Variants in THRB observed in about 807,000 individuals in gnomAD.
The protein encoded by THRB is thyroid hormone receptor beta.
In THRB, 12 loss-of-function variants were observed where a neutral mutation model predicts 47.8. The observed-to-expected ratio is 0.25, with a 90% CI of 0.16 to 0.41. THRB has a LOEUF of 0.41. Among genes scored for constraint, THRB ranks in the 10% least tolerant of loss-of-function variants. The probability of loss-of-function intolerance (pLI) is 1.00; values close to 1 mark genes in which losing one functional copy is unlikely to be tolerated. For missense variants in THRB, 348 were observed against 589.2 expected, an observed-to-expected ratio of 0.59 and a Z score of 4.24; for synonymous variants, 218 against 212.2, an observed-to-expected ratio of 1.03 and a Z score of -0.24.
chr3:24,235,992 C>T (rs570202143), intron 3 of THRB, among the ~76,000 whole-genome samples: 2 of 152,248 alleles, frequency 1.3e-5, no homozygotes, highest in Admixed American at 1.3e-4. Flanking sequence ...TTGAGCCTTC[C>T]CACAGCTCTG....
At position 24,119,696 on chromosome 3, in the gene THRB, AGGCATCAACAGGTCAAGCGCG is replaced by A. The variant is rs2031304973; in HGVS notation, c.*3167_*3187del. The stretch of plus-strand genomic sequence containing the variant: ...ACAGGTGAGGGGCTTCGCTGGGCTG[AGGCATCAACAGGTCAAGCGCG>A]TCATTGAGGACCGAGGCTCTAGAAA... On this transcript the variant is annotated 3_prime_UTR_variant, in exon 11 of 11. Transcript: ENST00000646209. The A allele has an allele frequency of 2.0e-5, 3 of 152,426 alleles. No homozygotes were observed. Among genetic ancestry groups the A allele is most frequent in the African/African-American group, 7.2e-5 (3 of 41,590 alleles). 9.4% of individuals were successfully genotyped at this position (152,426 alleles called of 1,614,324 possible). A position where few individuals can be genotyped will look rare whatever the true frequency, so the allele number is the denominator to read the frequency against.
chr3:24,280,430 C>A (rs1436652487), intron 3 of THRB, among the ~76,000 whole-genome samples: 1 of 152,162 alleles, frequency 6.6e-6, no homozygotes, highest in Non-Finnish European at 1.5e-5. Context: ...ACCAAAAACC[C>A]ATCTGTACAT....
At chr3:24,308,117 C>T (rs902407759) in intron 2 of THRB, among the ~76,000 whole-genome samples, 2 of 152,058 alleles carry the variant, frequency 1.3e-5, no homozygotes, top group Non-Finnish European at 2.9e-5. Flanking sequence ...CACATGTTTA[C>T]CTATGTACAA....
At chr3:24,183,373 T>C (rs1483868292) in intron 5 of THRB, among the ~76,000 whole-genome samples, 3 of 138,762 alleles carry the variant, frequency 2.2e-5, no homozygotes, top group South Asian at 2.3e-4. Context: ...CTTTTCTTTT[T>C]TTTTTTTTTT....
At chr3:24,247,910 A>C (rs897603037) in intron 3 of THRB, among the ~76,000 whole-genome samples, 11 of 151,670 alleles carry the variant, frequency 7.3e-5, no homozygotes, top group African/African-American at 2.7e-4. Flanking sequence ...AAGCAACCAA[A>C]TTTTTAATAT....
At chr3:24,244,911 T>C (rs2049953549) in intron 3 of THRB, among the ~76,000 whole-genome samples, 1 of 152,212 alleles carries the variant, frequency 6.6e-6, no homozygotes, top group Non-Finnish European at 1.5e-5. Flanking sequence ...CAGCATACCT[T>C]GTTAAGCTGT....
intron 1 of THRB, among the ~76,000 whole-genome samples, chr3:24,456,536 A>G (rs2073187290): frequency 6.6e-6 from 1 of 151,754 alleles, no homozygotes; most frequent in Admixed American, 6.6e-5. Context: ...TTCAGTAACC[A>G]GTTTGTATAC....
intron 4 of THRB, 102 bp downstream of exon 4, chr3:24,228,836 C>T (rs1036101593): frequency 3.2e-5 from 34 of 1,064,410 alleles, no homozygotes; most frequent in Admixed American, 4.0e-5. Context: ...TTGGAAATAA[C>T]GGTTGCTAAA....
intron 4 of THRB, among the ~76,000 whole-genome samples, chr3:24,207,408 C>A (rs1038330927): frequency 2.0e-5 from 3 of 152,186 alleles, no homozygotes; most frequent in Non-Finnish European, 4.4e-5. Flanking sequence ...ATGATTATCT[C>A]AATAGATGCA....
chr3:24,479,692 A>G (rs1696075659), intron 1 of THRB, among the ~76,000 whole-genome samples: 1 of 152,136 alleles, frequency 6.6e-6, no homozygotes. Flanking sequence ...TTTGCCCCTC[A>G]TGAGAACCAT....
intron 3 of THRB, among the ~76,000 whole-genome samples, chr3:24,275,063 G>C (rs58890418): frequency 0.053 from 8,113 of 152,180 alleles, 699 homozygotes; most frequent in African/African-American, 0.18. Flanking sequence ...CTTAGTTCTT[G>C]ATTTACACGG....
At chr3:24,230,759 A>G (rs556493340) in intron 3 of THRB, among the ~76,000 whole-genome samples, 1 of 152,308 alleles carries the variant, frequency 6.6e-6, no homozygotes, top group South Asian at 2.1e-4. Context: ...CTTGGCTTGG[A>G]CTGTGCCCCA....
chr3:24,303,368 T>C (rs928787256), intron 2 of THRB, among the ~76,000 whole-genome samples: 2 of 152,188 alleles, frequency 1.3e-5, no homozygotes, highest in Non-Finnish European at 2.9e-5. Flanking sequence ...GACTTGCTCT[T>C]GCTTCTCGGC....
intron 3 of THRB, among the ~76,000 whole-genome samples, chr3:24,273,890 A>C (rs938928342): frequency 6.6e-6 from 1 of 150,938 alleles, no homozygotes; most frequent in African/African-American, 2.4e-5. Flanking sequence ...TATCTTTTTG[A>C]ATCTACCAAC....
intron 1 of THRB, among the ~76,000 whole-genome samples, chr3:24,411,051 G>A (rs2068251671): frequency 6.6e-6 from 1 of 151,824 alleles, no homozygotes; most frequent in African/African-American, 2.4e-5. Context: ...ACCATTGGCT[G>A]AGTGTGGTGG....
At chr3:24,145,592 C>T (rs2149025392) in intron 7 of THRB, among the ~76,000 whole-genome samples, 1 of 152,302 alleles carries the variant, frequency 6.6e-6, no homozygotes, top group East Asian at 1.9e-4. Context: ...AGAAAATACT[C>T]AGCCAGAGGT....
At chr3:24,133,265 C>G in intron 9 of THRB, 51 bp downstream of exon 9, 2 of 1,593,914 alleles carry the variant, frequency 1.3e-6, no homozygotes, top group Non-Finnish European at 1.7e-6. Flanking sequence ...TTCCTGGAAA[C>G]TGATGAAACT....
intron 1 of THRB, among the ~76,000 whole-genome samples, chr3:24,452,580 G>C (rs910874231): frequency 6.6e-6 from 1 of 152,042 alleles, no homozygotes; most frequent in Admixed American, 6.5e-5. Context: ...AGAAAGATGA[G>C]GCTCCGAGAA....
chr3:24,364,808 G>A (rs372649594), intron 1 of THRB, among the ~76,000 whole-genome samples: 3 of 152,192 alleles, frequency 2.0e-5, no homozygotes, highest in African/African-American at 7.2e-5. Flanking sequence ...AGAACAATAG[G>A]TTTTGAAAAC....
Sources: gnomAD v4.1 joint callset for allele counts (sites outside exome capture counted in the v4.1 genomes callset) on GRCh38, gnomAD v4.1.1 for gene constraint, MANE v1.5 for transcripts, NCBI Gene and HGNC (gene_info 2026-07-23, HGNC 2026-07-21) for gene names.